The following AGMO variants were observed in gnomAD, a reference collection of about 807,000 sequenced individuals.
AGMO encodes the protein glyceryl-ether monooxygenase.
AGMO carries 75 observed loss-of-function variants against 60.2 expected under a neutral mutation model. That is an observed-to-expected ratio of 1.25 (90% CI 1.03 to 1.51). AGMO has a LOEUF of 1.51. AGMO is among the 40% of genes most tolerant of loss of function. AGMO has a pLI of 0.00. For missense variants in AGMO, 763 were observed against 525.5 expected (o/e 1.45, Z -4.42); for synonymous variants, 261 against 177.1 (o/e 1.47, Z -3.76).
intron 3 of AGMO, among the ~76,000 whole-genome samples, chr7:15,499,932 C>CACGCATAT (rs146144087): frequency 7.2e-6 from 1 of 138,986 alleles, no homozygotes; most frequent in African/African-American, 2.6e-5. Context: ...CACACACACA[C>CACGCATAT]ATATATATAT....
chr7:15,458,784 C>A (rs115742642), intron 3 of AGMO, among the ~76,000 whole-genome samples: 1 of 152,230 alleles, frequency 6.6e-6, no homozygotes, highest in South Asian at 2.1e-4. Flanking sequence ...TAAGACGACA[C>A]AACCACAAAA....
intron 3 of AGMO, among the ~76,000 whole-genome samples, chr7:15,529,733 A>G (rs1250431782): frequency 8.5e-6 from 1 of 118,198 alleles, no homozygotes; most frequent in Non-Finnish European, 1.7e-5. Flanking sequence ...TACTCTATAT[A>G]TATTCTATAT....
intron 3 of AGMO, among the ~76,000 whole-genome samples, chr7:15,508,250 A>G (rs184812650): frequency 2.2e-4 from 34 of 152,282 alleles, no homozygotes; most frequent in African/African-American, 7.2e-4. Context: ...ATATCTAACA[A>G]AAAATGACCA....
rs551527948 is a variant in AGMO, at chr7:15,354,314, G to GTGTATAGA, written c.1263+11199_1263+11200insTCTATACA. 3.1e-5 allele frequency among the ~76,000 whole-genome samples: 2 copies of GTGTATAGA among 64,762 alleles called. 1 individual carries two copies. 42.5% of individuals were successfully genotyped at this position (64,762 alleles called of 152,430 possible). A position where few individuals can be genotyped will look rare whatever the true frequency, so the allele number is the denominator to read the frequency against. ...GATAAATATATATACGTGTATACAC[G>GTGTATAGA]CGTGTATATACGTACGCGTGTATAT... On this transcript the variant is annotated intron_variant, in intron 12 of 12. Coordinates refer to ENST00000342526, the MANE Select transcript of AGMO (RefSeq NM_001004320.2).
At chr7:15,255,592 A>C (rs904442466) in intron 12 of AGMO, among the ~76,000 whole-genome samples, 1 of 151,958 alleles carries the variant, frequency 6.6e-6, no homozygotes, top group Non-Finnish European at 1.5e-5. Context: ...ATCCGTGATG[A>C]ACACAGATGC....
chr7:15,421,120 T>C (rs1259680071), intron 4 of AGMO, among the ~76,000 whole-genome samples: 3 of 152,110 alleles, frequency 2.0e-5, no homozygotes, highest in Admixed American at 6.6e-5. Flanking sequence ...AAGCTAAACA[T>C]ATTTGCTATT....
chr7:15,128,852 C>T, the AGMO span, among the ~76,000 whole-genome samples: 2 of 152,074 alleles, frequency 1.3e-5, no homozygotes, highest in African/African-American at 2.4e-5. Context: ...TAAGAGCTTG[C>T]TGTAGCTAGG....
chr7:15,345,760 A>G (rs1450200570), intron 12 of AGMO, among the ~76,000 whole-genome samples: 4 of 152,182 alleles, frequency 2.6e-5, no homozygotes, highest in African/African-American at 7.2e-5. Flanking sequence ...AGAAAGCTTG[A>G]TAACTTACTT....
chr7:15,493,001 A>T (rs1273039922), intron 3 of AGMO, among the ~76,000 whole-genome samples: 1 of 152,116 alleles, frequency 6.6e-6, no homozygotes, highest in African/African-American at 2.4e-5. Context: ...CTATAATCAA[A>T]GCTGCTATAA....
intron 3 of AGMO, among the ~76,000 whole-genome samples, chr7:15,509,548 T>G (rs931477984): frequency 3.3e-5 from 5 of 152,008 alleles, no homozygotes; most frequent in African/African-American, 1.2e-4. Context: ...GATATGACAC[T>G]AAAAGCTCAG....
chr7:15,323,132 A>G (rs1207183364), intron 12 of AGMO, among the ~76,000 whole-genome samples: 1 of 151,944 alleles, frequency 6.6e-6, no homozygotes, highest in African/African-American at 2.4e-5. Flanking sequence ...CCTTGGAGTA[A>G]TAAGACTTCT....
intron 12 of AGMO, among the ~76,000 whole-genome samples, chr7:15,203,261 AT>A (rs2115466982): frequency 1.3e-5 from 2 of 152,210 alleles, no homozygotes; most frequent in African/African-American, 4.8e-5. Context: ...ACTATTAAAA[AT>A]TTTTACCTAA....
intron 12 of AGMO, among the ~76,000 whole-genome samples, chr7:15,353,927 G>A (rs1032878735): frequency 2.0e-5 from 3 of 152,042 alleles, no homozygotes; most frequent in Admixed American, 6.5e-5. Flanking sequence ...ATTCTCTTAG[G>A]TGTGGATTCA....
At chr7:15,372,544 G>A (rs1783262313) in intron 10 of AGMO, among the ~76,000 whole-genome samples, 1 of 152,072 alleles carries the variant, frequency 6.6e-6, no homozygotes, top group South Asian at 2.1e-4. Context: ...ATGAGTTTGA[G>A]TAACCAAGAA....
At chr7:15,336,359 G>A (rs1318930862) in intron 12 of AGMO, among the ~76,000 whole-genome samples, 2 of 150,590 alleles carry the variant, frequency 1.3e-5, no homozygotes, top group African/African-American at 4.9e-5. Flanking sequence ...AGGTTTATTT[G>A]TTTTCTTTAA....
chr7:15,553,181 G>A lies in AGMO; in HGVS notation c.257+6960C>T, dbSNP rs1421728075. On this transcript the variant is annotated intron_variant, in intron 2 of 12. Transcript: ENST00000342526. ...CTCTGGGGACTGTTGTGGGGTGGGC[G>A]GAGGGGGGAGGGATAGCATTGGGAG... 1.3e-4 allele frequency among the ~76,000 whole-genome samples: 19 copies of A among 151,480 alleles called. No individual in the cohort carries two copies. In the South Asian group the frequency reaches 2.1e-3, roughly 17 times the overall value.
chr7:15,513,941 C>T (rs955563105), intron 3 of AGMO, among the ~76,000 whole-genome samples: 1 of 152,116 alleles, frequency 6.6e-6, no homozygotes, highest in African/African-American at 2.4e-5. Context: ...CCTATGACCC[C>T]CAAACACTAA....
At chr7:15,432,363 C>CATACATATATATATAT (rs1781275836) in intron 3 of AGMO, among the ~76,000 whole-genome samples, 1 of 57,990 alleles carries the variant, frequency 1.7e-5, no homozygotes, top group African/African-American at 5.1e-5. Flanking sequence ...TATATATATA[C>CATACATATATATATAT]ACACACATAT....
At chr7:15,405,327 AATT>A (rs1308960275) in intron 5 of AGMO, among the ~76,000 whole-genome samples, 2 of 151,898 alleles carry the variant, frequency 1.3e-5, no homozygotes, top group Non-Finnish European at 2.9e-5. Flanking sequence ...GGAAAACAAA[AATT>A]AATACAACAT....
Sources: gnomAD v4.1 joint callset for allele counts (sites outside exome capture counted in the v4.1 genomes callset) on GRCh38, gnomAD v4.1.1 for gene constraint, MANE v1.5 for transcripts, NCBI Gene and HGNC (gene_info 2026-07-23, HGNC 2026-07-21) for gene names.